Variants in CDH12 observed in about 807,000 individuals in gnomAD.
CDH12 encodes the protein cadherin 12, also known as cadherin-12.
A neutral mutation model predicts 74.1 loss-of-function variants in CDH12; 41 were observed. The ratio of observed to expected loss-of-function variants is 0.55; its 90% CI spans 0.43 to 0.72. The LOEUF is 0.72. CDH12 is among the 30% of genes least tolerant of loss of function. The probability of loss-of-function intolerance (pLI) is 0.00; values close to 1 mark genes in which losing one functional copy is unlikely to be tolerated. For synonymous variants in CDH12, 399 were observed against 355.0 expected (o/e 1.12, Z -1.39); for missense variants, 945 against 977.2 (o/e 0.97, Z 0.44).
chr5:22,518,182 A>G (rs939610971), intron 1 of CDH12, among the ~76,000 whole-genome samples: 1 of 152,232 alleles, frequency 6.6e-6, no homozygotes, highest in Non-Finnish European at 1.5e-5. Context: ...GACAAGAGGA[A>G]TTAATGTGTT....
chr5:22,778,217 A>G (rs1408007436), intron 1 of CDH12, among the ~76,000 whole-genome samples: 1 of 152,208 alleles, frequency 6.6e-6, no homozygotes, highest in Non-Finnish European at 1.5e-5. Flanking sequence ...GTTGTTGTTG[A>G]TGATGATTAA....
Position 22,279,237 on chromosome 5 carries a change from T to A in CDH12, c.-332-66594A>T, listed in dbSNP as rs1461688494. ...CTAGAGTTTATTGAAGGTTTTAGGA[T>A]CCACAGCTATTATGAATAGCTTCAT... is the stretch of plus-strand genomic sequence containing the variant. On this transcript the variant is annotated intron_variant, in intron 3 of 14. Coordinates refer to ENST00000382254, the MANE Select transcript of CDH12 (RefSeq NM_004061.5). Among the ~76,000 whole-genome samples, 3 of 152,296 alleles carry A rather than the reference T, an allele frequency of 2.0e-5. No individual in the cohort carries two copies. The East Asian group carries it at 5.8e-4, about 29-fold the overall frequency.
At chr5:21,938,723 C>CATATATATGTAT (rs1755187273) in intron 6 of CDH12, among the ~76,000 whole-genome samples, 1 of 112,078 alleles carries the variant, frequency 8.9e-6, no homozygotes. Flanking sequence ...ATATAATATA[C>CATATATATGTAT]ATATATATAT....
At position 21,942,363 on chromosome 5, in the gene CDH12, C is replaced by T. The variant is rs368486049; in HGVS notation, c.526+32728G>A. The stretch of plus-strand genomic sequence containing the variant: ...ATATATATATACACACACACACACA[C>T]ACACACACACACACACACACACACA... On this transcript the variant is annotated intron_variant, in intron 6 of 14. Transcript: ENST00000382254. Among the ~76,000 whole-genome samples the T allele has an allele frequency of 8.6e-3, 1,100 of 127,218 alleles. 24 individuals are homozygous for T. The highest frequency in any genetic ancestry group is 0.023 in the African/African-American group (609 of 25,976). The allele number at this position is 127,218 out of a possible 152,430, so 83.5% of individuals were successfully genotyped here.
intron 3 of CDH12, among the ~76,000 whole-genome samples, chr5:22,306,290 G>A (rs1037664242): frequency 1.3e-5 from 2 of 151,870 alleles, no homozygotes; most frequent in Non-Finnish European, 2.9e-5. Context: ...TGAAGTGCCT[G>A]GTACACAGAG....
chr5:22,671,842 ATT>A (rs369400766), intron 1 of CDH12, among the ~76,000 whole-genome samples: 1 of 146,488 alleles, frequency 6.8e-6, no homozygotes, highest in African/African-American at 2.5e-5. Context: ...TACTTTTCTC[ATT>A]TTTTTTTTCC....
chr5:22,214,020 A>G (rs1751695383), intron 3 of CDH12, among the ~76,000 whole-genome samples: 1 of 151,902 alleles, frequency 6.6e-6, no homozygotes, highest in Admixed American at 6.6e-5. Context: ...TATATCTTAG[A>G]AAACCCTCAA....
At chr5:21,905,999 A>C (rs569124394) in intron 6 of CDH12, among the ~76,000 whole-genome samples, 2 of 152,202 alleles carry the variant, frequency 1.3e-5, no homozygotes, top group Non-Finnish European at 2.9e-5. Context: ...AAGAAGGAAG[A>C]ATATAAAGGA....
intron 1 of CDH12, among the ~76,000 whole-genome samples, chr5:22,815,661 T>C (rs1334640567): frequency 6.7e-6 from 1 of 150,310 alleles, no homozygotes; most frequent in Admixed American, 6.7e-5. Context: ...TCCATGCTAC[T>C]CAGGAGACTG....
chr5:22,106,899 A>G (rs1744477147), intron 4 of CDH12, among the ~76,000 whole-genome samples: 1 of 152,214 alleles, frequency 6.6e-6, no homozygotes, highest in Non-Finnish European at 1.5e-5. Flanking sequence ...TAATAGAAAT[A>G]TAACTTTGAA....
At chr5:22,228,334 C>G (rs1752265483) in intron 3 of CDH12, among the ~76,000 whole-genome samples, 1 of 152,028 alleles carries the variant, frequency 6.6e-6, no homozygotes, top group African/African-American at 2.4e-5. Context: ...TCATATGCCA[C>G]CTACCACAAA....
intron 1 of CDH12, among the ~76,000 whole-genome samples, chr5:22,841,366 G>T (rs138775423): frequency 1.3e-5 from 2 of 152,138 alleles, no homozygotes; most frequent in African/African-American, 4.8e-5. Context: ...GATGTTGACC[G>T]ACATCGTGAA....
rs539674515 is a variant in CDH12, at chr5:22,491,781, A to G, written c.-428+13489T>C. On this transcript the variant is annotated intron_variant, in intron 2 of 14. Transcript: ENST00000382254. ...AACAATAGACAATTATTGTCTCACAATTTTAGAGTTTAGAATTCCAAAATC... is the reference window on the plus strand; with the variant it reads ...AACAATAGACAATTATTGTCTCACAGTTTTAGAGTTTAGAATTCCAAAATC... Among the ~76,000 whole-genome samples, 38 of 152,262 alleles carry G rather than the reference A, an allele frequency of 2.5e-4. No individual in the cohort carries two copies. In the Middle Eastern group the frequency reaches 0.01, roughly 41 times the overall value.
chr5:22,354,985 A>G (rs138496625), intron 3 of CDH12, among the ~76,000 whole-genome samples: 108 of 152,296 alleles, frequency 7.1e-4, no homozygotes, highest in African/African-American at 2.0e-3. Context: ...CTGAGTTCTA[A>G]CAGAGCTGGG....
intron 11 of CDH12, among the ~76,000 whole-genome samples, chr5:21,777,444 C>T (rs962603202): frequency 8.6e-5 from 13 of 151,816 alleles, no homozygotes; most frequent in African/African-American, 3.1e-4. Context: ...ATGTACATTG[C>T]AAATAAAAAT....
intron 4 of CDH12, among the ~76,000 whole-genome samples, chr5:22,107,939 TA>T (rs1208496608): frequency 1.3e-5 from 2 of 152,206 alleles, no homozygotes; most frequent in Non-Finnish European, 2.9e-5. Flanking sequence ...AGTAATGAAC[TA>T]AATTTACATG....
At position 22,632,438 on chromosome 5, in the gene CDH12, A is replaced by C. The variant is rs370531741; in HGVS notation, c.-522-127074T>G. On this transcript the variant is annotated intron_variant, in intron 1 of 14. Transcript: ENST00000382254. The stretch of plus-strand genomic sequence containing the variant: ...AAAAAATCTTTATAGATAATGTATC[A>C]CCAAATACAGAGCAACAATAAAGAG... 3.9e-5 allele frequency among the ~76,000 whole-genome samples: 6 copies of C among 152,344 alleles called. No individual in the cohort carries two copies. In the East Asian group the frequency reaches 5.8e-4, roughly 15 times the overall value.
intron 1 of CDH12, among the ~76,000 whole-genome samples, chr5:22,781,116 A>G (rs1747364533): frequency 6.6e-6 from 1 of 152,222 alleles, no homozygotes; most frequent in African/African-American, 2.4e-5. Context: ...TTACATTTTT[A>G]AATATATTTT....
intron 11 of CDH12, among the ~76,000 whole-genome samples, chr5:21,777,923 C>T (rs934654936): frequency 6.6e-6 from 1 of 152,128 alleles, no homozygotes; most frequent in African/African-American, 2.4e-5. Flanking sequence ...ATATGCACTA[C>T]CTCACATAGT....
Sources: gnomAD v4.1 joint callset for allele counts (sites outside exome capture counted in the v4.1 genomes callset) on GRCh38, gnomAD v4.1.1 for gene constraint, MANE v1.5 for transcripts, NCBI Gene and HGNC (gene_info 2026-07-23, HGNC 2026-07-21) for gene names.